KCNIP4: variants seen among roughly 807,000 people sequenced by gnomAD.
The protein encoded by KCNIP4 is Kv channel-interacting protein 4.
KCNIP4 carries 12 observed loss-of-function variants against 34.0 expected under a neutral mutation model. The observed-to-expected ratio is 0.35, with a 90% CI of 0.23 to 0.57. KCNIP4 has a LOEUF of 0.57. Ranked by LOEUF, KCNIP4 falls within the 20% of genes least tolerant of loss-of-function variation. The probability of loss-of-function intolerance (pLI) is 0.83; values close to 1 mark genes in which losing one functional copy is unlikely to be tolerated. For missense variants in KCNIP4, 238 were observed against 311.7 expected (o/e 0.76, Z 1.78); for synonymous variants, 124 against 102.2 (o/e 1.21, Z -1.29).
At chr4:21,388,717 A>G (rs34505067) in intron 1 of KCNIP4, among the ~76,000 whole-genome samples, 31,298 of 152,052 alleles carry the variant, frequency 0.21, 3,677 homozygotes, top group Middle Eastern at 0.31. Flanking sequence ...AGAATTGCCT[A>G]TCCTGGATAT....
rs189142842 is a variant in KCNIP4 at position 21,021,184 on chromosome 4, C to T, written c.62-138475G>A. On this transcript the variant is annotated intron_variant, in intron 1 of 8. Transcript: ENST00000382152. ...TTAAGTATTTGTGTATTTTAACATA[C>T]CTGAACATAGAAGAAGTACAGTACA... 1.9e-3 allele frequency among the ~76,000 whole-genome samples: 290 copies of T among 152,228 alleles called. 6 individuals are homozygous for T. The South Asian group carries it at 0.053, about 28-fold the overall frequency.
intron 1 of KCNIP4, among the ~76,000 whole-genome samples, chr4:21,521,577 T>C (rs573847790): frequency 6.6e-6 from 1 of 152,166 alleles, no homozygotes; most frequent in African/African-American, 2.4e-5. Context: ...AACATCATCA[T>C]ATCAAAAATC....
intron 1 of KCNIP4, among the ~76,000 whole-genome samples, chr4:21,654,509 T>A (rs111713820): frequency 0.013 from 1,951 of 152,094 alleles, 44 homozygotes; most frequent in African/African-American, 0.045. Context: ...TTTTTTTTTT[T>A]ATCTAAAGAT....
At chr4:20,905,044 C>T (rs568753136) in intron 1 of KCNIP4, among the ~76,000 whole-genome samples, 5 of 152,212 alleles carry the variant, frequency 3.3e-5, no homozygotes, top group Admixed American at 1.3e-4. Context: ...AAAGGAAAAA[C>T]GTTCTGCTTG....
intron 1 of KCNIP4, among the ~76,000 whole-genome samples, chr4:21,888,498 CAAG>C (rs1274428361): frequency 6.6e-6 from 1 of 151,982 alleles, no homozygotes; most frequent in African/African-American, 2.4e-5. Flanking sequence ...CTTGTGAACA[CAAG>C]AAGATAAAAG....
At chr4:21,249,176 A>G (rs1344570894) in intron 1 of KCNIP4, among the ~76,000 whole-genome samples, 2 of 152,180 alleles carry the variant, frequency 1.3e-5, no homozygotes, top group East Asian at 3.9e-4. Flanking sequence ...GGGACCAATT[A>G]TTACATTGGG....
intron 1 of KCNIP4, among the ~76,000 whole-genome samples, chr4:21,343,238 T>C (rs1049459446): frequency 6.6e-6 from 1 of 151,976 alleles, no homozygotes; most frequent in Admixed American, 6.6e-5. Context: ...ATGTACATAA[T>C]GTACTTGGAG....
At chr4:21,415,446 C>T (rs902241852) in intron 1 of KCNIP4, among the ~76,000 whole-genome samples, 5 of 151,514 alleles carry the variant, frequency 3.3e-5, no homozygotes, top group Non-Finnish European at 7.4e-5. Flanking sequence ...GTAAGGGACA[C>T]ATTAGGAGGC....
intron 1 of KCNIP4, among the ~76,000 whole-genome samples, chr4:20,892,066 A>T (rs1002293683): frequency 6.6e-6 from 1 of 152,176 alleles, no homozygotes; most frequent in Non-Finnish European, 1.5e-5. Flanking sequence ...GCCCCAAATC[A>T]TTCACTTTTA....
At chr4:21,559,793 G>A (rs1739370348) in intron 1 of KCNIP4, among the ~76,000 whole-genome samples, 1 of 152,026 alleles carries the variant, frequency 6.6e-6, no homozygotes, top group South Asian at 2.1e-4. Flanking sequence ...TATTTTAGGG[G>A]CAGAAATGGA....
intron 1 of KCNIP4, among the ~76,000 whole-genome samples, chr4:21,033,782 T>C (rs899724192): frequency 2.0e-5 from 3 of 152,154 alleles, no homozygotes; most frequent in Non-Finnish European, 2.9e-5. Flanking sequence ...ATTGGGCCAA[T>C]ATGTATTTTA....
At chr4:20,915,265 G>A (rs1728700587) in intron 1 of KCNIP4, among the ~76,000 whole-genome samples, 1 of 152,178 alleles carries the variant, frequency 6.6e-6, no homozygotes, top group African/African-American at 2.4e-5. Flanking sequence ...TGAGCTGTAA[G>A]CAATACTTTT....
Position 20,729,452 on chromosome 4 carries a change from GCTGATAT to G in KCNIP4, c.*623_*629del, listed in dbSNP as rs577085923. 3.8e-5 allele frequency: 5 copies of G among 133,282 alleles called. No homozygotes were observed. Among genetic ancestry groups the G allele is most frequent in the Non-Finnish European group, 6.7e-5 (4 of 59,532 alleles). 8.3% of individuals were successfully genotyped at this position (133,282 alleles called of 1,614,324 possible). A position where few individuals can be genotyped will look rare whatever the true frequency, so the allele number is the denominator to read the frequency against. ...TTAAAATAAGTTTTATTAGGCATAT[GCTGATAT>G]CTGATAATAAACTAATTTTTAAATG... On this transcript the variant is annotated 3_prime_UTR_variant, in exon 9 of 9. Coordinates refer to ENST00000382152, the MANE Select transcript of KCNIP4 (RefSeq NM_025221.6).
chr4:21,399,450 C>T (rs1218710776), intron 1 of KCNIP4, among the ~76,000 whole-genome samples: 1 of 152,186 alleles, frequency 6.6e-6, no homozygotes, highest in Non-Finnish European at 1.5e-5. Flanking sequence ...AAATGGATTC[C>T]TAATGACATA....
chr4:20,784,042 C>T (rs1324191175), intron 3 of KCNIP4, among the ~76,000 whole-genome samples: 1 of 152,112 alleles, frequency 6.6e-6, no homozygotes, highest in Non-Finnish European at 1.5e-5. Context: ...CAGGGTTTAT[C>T]CAGTTCACTA....
At chr4:21,695,154 G>C (rs777907365) in intron 1 of KCNIP4, among the ~76,000 whole-genome samples, 6 of 151,980 alleles carry the variant, frequency 3.9e-5, no homozygotes, top group Admixed American at 6.6e-5. Context: ...ACTTGAAAGT[G>C]TCCTAATGAA....
At chr4:21,129,974 T>G (rs898531572) in intron 1 of KCNIP4, among the ~76,000 whole-genome samples, 5 of 152,160 alleles carry the variant, frequency 3.3e-5, no homozygotes, top group African/African-American at 1.2e-4. Context: ...CTACCTATAC[T>G]TCATGCTGTA....
chr4:21,387,993 T>C lies in KCNIP4; in HGVS notation c.62-505284A>G, dbSNP rs543102080. Among the ~76,000 whole-genome samples, 7 of 151,352 alleles carry C rather than the reference T, an allele frequency of 4.6e-5. No individual in the cohort carries two copies. The South Asian group carries it at 1.2e-3, about 27-fold the overall frequency. ...GGGAATGAGTGGAGAGCAATAGATA[T>C]CCTTTTCTCTGGGACGGGATGAAAG... On this transcript the variant is annotated intron_variant, in intron 1 of 8. Coordinates refer to ENST00000382152, the MANE Select transcript of KCNIP4 (RefSeq NM_025221.6).
chr4:21,033,202 C>T (rs1741161827), intron 1 of KCNIP4, among the ~76,000 whole-genome samples: 2 of 152,090 alleles, frequency 1.3e-5, no homozygotes, highest in South Asian at 2.1e-4. Context: ...TGACCCATTC[C>T]ACATAAGAAC....
Sources: allele counts gnomAD v4.1 joint callset (sites outside exome capture counted in the v4.1 genomes callset), GRCh38; gene constraint gnomAD v4.1.1; transcripts MANE v1.5; gene names NCBI Gene and HGNC (gene_info 2026-07-23, HGNC 2026-07-21).